The following EMID1 variants were observed in gnomAD, a reference collection of about 807,000 sequenced individuals.
EMID1 encodes EMI domain containing 1.
Under a neutral mutation model 60.6 loss-of-function variants are expected in EMID1, and 40 were observed. That is an observed-to-expected ratio of 0.66 (90% CI 0.51 to 0.86). EMID1 has a LOEUF of 0.86. EMID1 is among the 40% of genes least tolerant of loss of function. The probability of loss-of-function intolerance (pLI) is 0.00; values close to 1 mark genes in which losing one functional copy is unlikely to be tolerated. For synonymous variants in EMID1, 242 were observed against 231.0 expected (o/e 1.05, Z -0.43); for missense variants, 585 against 597.1 (o/e 0.98, Z 0.21).
At chr22:29,238,677 C>G (rs2041049513) in intron 12 of EMID1, among the ~76,000 whole-genome samples, 1 of 143,062 alleles carries the variant, frequency 7.0e-6, no homozygotes, top group South Asian at 2.3e-4. Context: ...CCTCGGCCTC[C>G]CAAAGTGGTG....
intron 14 of EMID1, chr22:29,255,754 G>C (rs2041681911): frequency 6.0e-6 from 1 of 166,774 alleles, no homozygotes; most frequent in South Asian, 2.0e-4. Context: ...AGGTTGGAGG[G>C]GGGTCAGGGA....
At chr22:29,210,849 G>C (rs1384546938) in intron 1 of EMID1, among the ~76,000 whole-genome samples, 1 of 152,202 alleles carries the variant, frequency 6.6e-6, no homozygotes, top group East Asian at 1.9e-4. Context: ...GTCCACGTGT[G>C]TGTGTGTGAG....
intron 1 of EMID1, among the ~76,000 whole-genome samples, chr22:29,210,241 A>G (rs1463956448): frequency 7.2e-6 from 1 of 139,518 alleles, no homozygotes; most frequent in Non-Finnish European, 1.5e-5. Context: ...GCAGGGACCC[A>G]CATGGCAAAT....
At chr22:29,254,829 A>T (rs1483727072) in intron 14 of EMID1, 1 of 166,510 alleles carries the variant, frequency 6.0e-6, no homozygotes, top group Non-Finnish European at 1.3e-5. Flanking sequence ...AGGGCAGGGG[A>T]CTGTGGGTGA....
chr22:29,216,148 C>G (rs772364293), intron 3 of EMID1, among the ~76,000 whole-genome samples: 69 of 152,312 alleles, frequency 4.5e-4, no homozygotes, highest in Middle Eastern at 6.8e-3. Context: ...CGGCTGGGCC[C>G]TTGTGTGCAG....
At chr22:29,243,625 G>A (rs1348399880) in intron 13 of EMID1, 136 bp downstream of exon 13, 3 of 1,053,356 alleles carry the variant, frequency 2.8e-6, no homozygotes, top group Non-Finnish European at 4.2e-6. Flanking sequence ...TCCCAGGCAG[G>A]AGCCTTGGCA....
At chr22:29,212,911 C>T (rs1156291039) in intron 1 of EMID1, among the ~76,000 whole-genome samples, 3 of 152,156 alleles carry the variant, frequency 2.0e-5, no homozygotes, top group East Asian at 1.9e-4. Context: ...TGAGCGAACA[C>T]GTGGACGGCT....
chr22:29,206,852 C>A (rs1276457321), intron 1 of EMID1, among the ~76,000 whole-genome samples: 1 of 152,170 alleles, frequency 6.6e-6, no homozygotes, highest in Non-Finnish European at 1.5e-5. Flanking sequence ...AAACTGAGAC[C>A]CTAGGGAATT....
Position 29,213,060 on chromosome 22 carries a change from C to G in EMID1, c.102-1866C>G, listed in dbSNP as rs1601901224. Among the ~76,000 whole-genome samples, 4 of 152,294 alleles carry G rather than the reference C, an allele frequency of 2.6e-5. No homozygotes were observed. The South Asian group carries it at 8.3e-4, about 32-fold the overall frequency. On this transcript the variant is annotated intron_variant, in intron 1 of 14. Transcript: ENST00000334018. Reference sequence around the variant, plus strand: ...TGTCATTTTTTTCTCACTTTATATGCACATATCTGTACATGTGCACGCATA... The same window carrying G: ...TGTCATTTTTTTCTCACTTTATATGGACATATCTGTACATGTGCACGCATA...
chr22:29,214,203 G>A (rs1411051949), intron 1 of EMID1, among the ~76,000 whole-genome samples: 1 of 152,240 alleles, frequency 6.6e-6, no homozygotes, highest in Non-Finnish European at 1.5e-5. Context: ...CATGCTGGCG[G>A]AGGGGGCAGG....
chr22:29,216,860 G>A (rs543546629), intron 3 of EMID1, among the ~76,000 whole-genome samples: 16 of 152,376 alleles, frequency 1.1e-4, no homozygotes, highest in African/African-American at 3.8e-4. Context: ...TGGCTAGAGG[G>A]AGAGCTGAGA....
chr22:29,234,281 A>G (rs769130772), intron 11 of EMID1, 24 bp from the exon 12 acceptor site: 1 of 1,613,802 alleles, frequency 6.2e-7, no homozygotes, highest in Non-Finnish European at 8.5e-7. Flanking sequence ...AGCTGACGCC[A>G]TTCGTCTCCT....
chr22:29,231,024 C>A lies in EMID1; in HGVS notation c.470C>A (p.Thr157Asn). 2 of 1,613,272 alleles carry A rather than the reference C, an allele frequency of 1.2e-6. No individual in the cohort carries two copies. Among genetic ancestry groups the A allele is most frequent in the Non-Finnish European group, 1.7e-6 (2 of 1,179,570 alleles). The change falls in exon 6 of 15, where the codon ACC (threonine) becomes AAC (asparagine). Residue 157 changes from threonine (T) to asparagine (N), a missense_variant. Coordinates refer to ENST00000334018, the MANE Select transcript of EMID1 (RefSeq NM_133455.4). ...CGTCCCTGTCTTCCTCTTCAGATGA[C>A]CATGCTGACTGTCATAGAGCAGCCA... ...ERLKVLEAKM[T>N]MLTVIEQPVP... is the part of the protein sequence containing the mutation.
In EMID1 at chr22:29,238,254, AATTATTATTATTATT is replaced by A. The variant is rs3066719; in HGVS notation, c.1074+3940_1074+3954del. Among the ~76,000 whole-genome samples the A allele has an allele frequency of 3.8e-3, 438 of 116,646 alleles. 57 individuals are homozygous for A. The highest frequency in any genetic ancestry group is 0.012 in the African/African-American group (315 of 26,514). 76.5% of individuals were successfully genotyped at this position (116,646 alleles called of 152,430 possible). On this transcript the variant is annotated intron_variant, in intron 12 of 14. Transcript: ENST00000334018. ...TTTGATTCTCTGAAGTTTTTCTAAA[AATTATTATTATTATT>A]ATTATTATTATTATTATTATTATTA...
intron 12 of EMID1, among the ~76,000 whole-genome samples, chr22:29,240,769 G>A (rs2041125962): frequency 6.6e-6 from 1 of 152,182 alleles, no homozygotes; most frequent in African/African-American, 2.4e-5. Context: ...AATAGTGTGG[G>A]CTCCCAGAAC....
intron 13 of EMID1, 140 bp downstream of exon 13, chr22:29,243,629 C>G (rs2041228086): frequency 9.7e-7 from 1 of 1,032,082 alleles, no homozygotes. Context: ...AGGCAGGAGC[C>G]TTGGCAATTA....
chr22:29,238,356 G>A (rs1413954852), intron 12 of EMID1, among the ~76,000 whole-genome samples: 1 of 138,982 alleles, frequency 7.2e-6, no homozygotes, highest in Admixed American at 7.1e-5. Context: ...CTGGGCTCAA[G>A]GGATCCTCCC....
chr22:29,233,110 G>GTGGGAATTCCCATT (rs2040815400), intron 8 of EMID1: 2 of 507,070 alleles, frequency 3.9e-6, no homozygotes, highest in Non-Finnish European at 7.1e-6. Context: ...CATTTGACAG[G>GTGGGAATTCCCATT]TGACAGTACA....
intron 5 of EMID1, among the ~76,000 whole-genome samples, chr22:29,227,296 G>A (rs1443539211): frequency 6.6e-6 from 1 of 152,018 alleles, no homozygotes; most frequent in Non-Finnish European, 1.5e-5. Flanking sequence ...TCTCCATGTT[G>A]CCCAGGCTGG....
Sources: gnomAD v4.1 joint callset for allele counts (sites outside exome capture counted in the v4.1 genomes callset) on GRCh38, gnomAD v4.1.1 for gene constraint, MANE v1.5 for transcripts, NCBI Gene and HGNC (gene_info 2026-07-23, HGNC 2026-07-21) for gene names.